Variants in SOX5 observed in about 807,000 individuals in gnomAD.
The protein encoded by SOX5 is SRY-box transcription factor 5.
SOX5 carries 9 observed loss-of-function variants against 92.0 expected under a neutral mutation model. The ratio of observed to expected loss-of-function variants is 0.10; its 90% CI spans 0.06 to 0.17. The LOEUF (loss-of-function observed/expected upper bound fraction) is 0.17, where lower values mean the gene tolerates loss of function less well. Ranked by LOEUF, SOX5 falls within the 10% of genes least tolerant of loss-of-function variation. SOX5 has a pLI of 1.00. For synonymous variants in SOX5, 344 were observed against 336.3 expected (o/e 1.02, Z -0.25); for missense variants, 642 against 944.5 (o/e 0.68, Z 4.20).
intron 8 of SOX5, among the ~76,000 whole-genome samples, chr12:23,620,075 G>T (rs1223542388): frequency 6.6e-6 from 1 of 152,052 alleles, no homozygotes; most frequent in East Asian, 1.9e-4. Flanking sequence ...CTACACTACA[G>T]GCAGGCAAAT....
At position 23,934,605 on chromosome 12, in the gene SOX5, C is replaced by T. The variant is rs61550368; in HGVS notation, c.38+14959G>A. Among the ~76,000 whole-genome samples, 604 of 150,962 alleles carry T rather than the reference C, an allele frequency of 4.0e-3. 4 individuals carry two copies. Among genetic ancestry groups the T allele is most frequent in the African/African-American group, 0.014 (595 of 41,324 alleles). On this transcript the variant is annotated intron_variant, in intron 1 of 14. Transcript: ENST00000451604. The stretch of plus-strand genomic sequence containing the variant: ...GTATAAACCACCAGTTTATACAATA[C>T]ATAATGTTCAGCATAATTTACTTGA...
intron 2 of SOX5, among the ~76,000 whole-genome samples, chr12:24,307,515 A>AAGGAGGGAGGGAAGGAAGGAAGTT (rs1323785027): frequency 2.5e-4 from 6 of 24,446 alleles, no homozygotes; most frequent in Admixed American, 1.6e-3. Flanking sequence ...GGAAGGAAGG[A>AAGGAGGGAGGGAAGGAAGGAAGTT]AGGCCGGCCC....
chr12:24,386,435 T>C (rs1330666341), intron 1 of SOX5, among the ~76,000 whole-genome samples: 1 of 152,172 alleles, frequency 6.6e-6, no homozygotes, highest in Non-Finnish European at 1.5e-5. Flanking sequence ...ATTAATACTA[T>C]TATCAATCCT....
rs565947915 is a variant in SOX5, at chr12:23,657,853, A to G, written c.931+7591T>C. ...AGGAGACTCATGTTGAAAAGAGAAT[A>G]CTAAGCTGAATGAGCTTTAGGTTTA... On this transcript the variant is annotated intron_variant, in intron 7 of 14. Transcript: ENST00000451604. Among the ~76,000 whole-genome samples, 14 of 152,338 alleles carry G rather than the reference A, an allele frequency of 9.2e-5. No homozygotes were observed. The South Asian group carries it at 2.7e-3, about 29-fold the overall frequency.
intron 4 of SOX5, among the ~76,000 whole-genome samples, chr12:24,181,043 A>C (rs1267024200): frequency 6.6e-6 from 1 of 152,178 alleles, no homozygotes; most frequent in Non-Finnish European, 1.5e-5. Context: ...ATGGTTCTCA[A>C]CACAATCTGT....
chr12:23,648,029 C>T (rs2081092638), intron 7 of SOX5, among the ~76,000 whole-genome samples: 1 of 152,218 alleles, frequency 6.6e-6, no homozygotes. Context: ...CTTCATCAAG[C>T]TCAATCATTT....
chr12:23,882,681 T>C lies in SOX5; in HGVS notation c.270+13112A>G, dbSNP rs542177445. On this transcript the variant is annotated intron_variant, in intron 2 of 14. Coordinates refer to ENST00000451604, the MANE Select transcript of SOX5 (RefSeq NM_006940.6). ...GGAGTTCATACTAACTGAAACTCACTATACAAAAAGTACTATGTTAGGTGA... is the reference window on the plus strand; with the variant it reads ...GGAGTTCATACTAACTGAAACTCACCATACAAAAAGTACTATGTTAGGTGA... Among the ~76,000 whole-genome samples, 16 of 152,330 alleles carry C rather than the reference T, an allele frequency of 1.1e-4. No individual in the cohort carries two copies. The South Asian group carries it at 3.3e-3, about 32-fold the overall frequency.
At chr12:24,035,163 T>A (rs10771054) in intron 4 of SOX5, among the ~76,000 whole-genome samples, 56,169 of 151,970 alleles carry the variant, frequency 0.37, 10,933 homozygotes, top group East Asian at 0.69. Flanking sequence ...TAAGTGACAC[T>A]GAGGGTAGAA....
chr12:24,138,280 C>A (rs1950279746), intron 4 of SOX5, among the ~76,000 whole-genome samples: 1 of 152,212 alleles, frequency 6.6e-6, no homozygotes, highest in Non-Finnish European at 1.5e-5. Context: ...AGGAAGTGTG[C>A]TTGCTTTTGA....
In SOX5 at chr12:24,068,745, TATAC is replaced by T. The variant is rs1277332029; in HGVS notation, c.-2+144594_-2+144597del. Among the ~76,000 whole-genome samples the T allele has an allele frequency of 6.9e-3, 530 of 76,806 alleles. 2 individuals are homozygous for T. Among genetic ancestry groups the T allele is most frequent in the African/African-American group, 0.02 (398 of 19,680 alleles). The allele number at this position is 76,806 out of a possible 152,430, so 50.4% of individuals were successfully genotyped here. A position where few individuals can be genotyped will look rare whatever the true frequency, so the allele number is the denominator to read the frequency against. The stretch of plus-strand genomic sequence containing the variant: ...ATATATATATATATATATATATATA[TATAC>T]ACACACACACATTAGTTCCTAGTTT... On this transcript the variant is annotated intron_variant, in intron 4 of 4. Transcript: ENST00000446891.
chr12:24,027,792 CT>C (rs1955043411), intron 4 of SOX5, among the ~76,000 whole-genome samples: 1 of 152,052 alleles, frequency 6.6e-6, no homozygotes, highest in East Asian at 1.9e-4. Flanking sequence ...CATGAATCCA[CT>C]CCTTCACCAA....
chr12:23,887,798 TTTC>T (rs1407888939), intron 2 of SOX5, among the ~76,000 whole-genome samples: 1 of 152,164 alleles, frequency 6.6e-6, no homozygotes, highest in Non-Finnish European at 1.5e-5. Flanking sequence ...TTTTTTTAAC[TTTC>T]TTTTTTATTC....
chr12:24,439,293 T>C (rs1395004963), intron 1 of SOX5, among the ~76,000 whole-genome samples: 6 of 152,272 alleles, frequency 3.9e-5, no homozygotes, highest in African/African-American at 1.2e-4. Flanking sequence ...AACATTTATA[T>C]GTACTGGGGA....
chr12:23,997,771 C>T (rs75299609), intron 4 of SOX5, among the ~76,000 whole-genome samples: 2,818 of 152,058 alleles, frequency 0.019, 35 homozygotes, highest in South Asian at 0.031. Flanking sequence ...ACCACTAAAA[C>T]GATTTAGAGG....
At chr12:24,524,863 A>T (rs2138546703) in intron 1 of SOX5, among the ~76,000 whole-genome samples, 1 of 152,246 alleles carries the variant, frequency 6.6e-6, no homozygotes, top group South Asian at 2.1e-4. Context: ...AAAGAAAAAA[A>T]ATAATTAAAT....
intron 1 of SOX5, among the ~76,000 whole-genome samples, chr12:23,926,854 T>C (rs1940100049): frequency 1.3e-5 from 2 of 152,016 alleles, no homozygotes; most frequent in South Asian, 4.2e-4. Context: ...GCAAGGTTCG[T>C]CAACTTTAGG....
At chr12:24,244,190 A>T (rs1376812203) in intron 3 of SOX5, among the ~76,000 whole-genome samples, 3 of 152,210 alleles carry the variant, frequency 2.0e-5, no homozygotes, top group Admixed American at 6.5e-5. Context: ...CTTTGAGCCT[A>T]TCTGGTTTTC....
At chr12:24,511,411 A>G (rs1179536287) in intron 1 of SOX5, among the ~76,000 whole-genome samples, 3 of 152,222 alleles carry the variant, frequency 2.0e-5, no homozygotes, top group Non-Finnish European at 4.4e-5. Context: ...TGGCATTAAC[A>G]TGGGAATTAA....
rs142049912 is a variant in SOX5, at chr12:24,173,109, C to A, written c.-2+40234G>T. On this transcript the variant is annotated intron_variant, in intron 4 of 4. Transcript: ENST00000446891. ...GGTCCAGAGTATTCACAATCACACT[C>A]CCGTGCCATCTTCCTCTCCTTTCAC... 1.5e-3 allele frequency among the ~76,000 whole-genome samples: 234 copies of A among 152,310 alleles called. 2 individuals are homozygous for A. In the South Asian group the frequency reaches 0.021, roughly 14 times the overall value.
Sources: gnomAD v4.1 joint callset for allele counts (sites outside exome capture counted in the v4.1 genomes callset) on GRCh38, gnomAD v4.1.1 for gene constraint, MANE v1.5 for transcripts, NCBI Gene and HGNC (gene_info 2026-07-23, HGNC 2026-07-21) for gene names.